Variants in APPL1 observed in about 807,000 individuals in gnomAD.
APPL1 encodes adaptor protein, phosphotyrosine interacting with PH domain and leucine zipper 1, also known as DCC-interacting protein 13-alpha.
APPL1 carries 42 observed loss-of-function variants against 106.8 expected under a neutral mutation model. The ratio of observed to expected loss-of-function variants is 0.39; its 90% CI spans 0.31 to 0.51. The LOEUF is 0.51. APPL1 is among the 20% of genes least tolerant of loss of function. The probability of loss-of-function intolerance (pLI) is 0.75; values close to 1 mark genes in which losing one functional copy is unlikely to be tolerated. For synonymous variants in APPL1, 263 were observed against 281.8 expected, an observed-to-expected ratio of 0.93 and a Z score of 0.67; for missense variants, 769 against 858.2, an observed-to-expected ratio of 0.90 and a Z score of 1.30.
In APPL1 at chr3:57,272,103, C is replaced by T. The variant is rs1431152786; in HGVS notation, c.*2416C>T. The T allele has an allele frequency of 1.3e-5, 2 of 152,152 alleles. No individual in the cohort carries two copies. The highest frequency in any genetic ancestry group is 6.5e-5 in the Admixed American group (1 of 15,276). 9.4% of individuals were successfully genotyped at this position (152,152 alleles called of 1,614,324 possible). ...ATATCTTTTCTCACATTCAGACTTA[C>T]ACTTAATGGTGTTAGAAATCAACAA... On this transcript the variant is annotated 3_prime_UTR_variant, in exon 22 of 22. Transcript: ENST00000288266.
chr3:57,246,597 T>C lies in APPL1; in HGVS notation c.621+375T>C, dbSNP rs1007805563. Among the ~76,000 whole-genome samples, 9 of 152,244 alleles carry C rather than the reference T, an allele frequency of 5.9e-5. No homozygotes were observed. The South Asian group carries it at 1.7e-3, about 28-fold the overall frequency. On this transcript the variant is annotated intron_variant, in intron 8 of 21. Coordinates refer to ENST00000288266, the MANE Select transcript of APPL1 (RefSeq NM_012096.3). ...TATCCCATATTCCTTGCATACTTCC[T>C]GAGTTAAAAATAATAGATGAACTCC...
At position 57,269,663 on chromosome 3, in the gene APPL1, AAAG is replaced by A. The variant is rs755386329; in HGVS notation, c.2111_2113del (p.Lys704del). On this transcript the variant is annotated inframe_deletion, in exon 22 of 22. Transcript: ENST00000288266. ...AAGAGAGTGATTTGGGAGAAGGAGG[AAAG>A]AAGAGAGAATCAGAAGCATAAGCTT... 5.0e-6 allele frequency: 8 copies of A among 1,613,940 alleles called. No homozygotes were observed. The highest frequency in any genetic ancestry group is 6.8e-6 in the Non-Finnish European group (8 of 1,179,970).
At chr3:57,263,034 A>G (rs546661635) in intron 19 of APPL1, among the ~76,000 whole-genome samples, 53 of 151,808 alleles carry the variant, frequency 3.5e-4, no homozygotes, top group African/African-American at 1.3e-3. Context: ...TATTTTTAGT[A>G]GAGACAGGGT....
chr3:57,227,739 T>G lies in APPL1; in HGVS notation c.-145T>G. The G allele has an allele frequency of 1.5e-6, 1 of 645,702 alleles. No homozygotes were observed. The allele number at this position is 645,702 out of a possible 1,614,324, so 40.0% of individuals were successfully genotyped here. A position where few individuals can be genotyped will look rare whatever the true frequency, so the allele number is the denominator to read the frequency against. ...GGGGCGGGATTTCCCGCACGGCCGC[T>G]CGGCGCCTGGAGAAGGCTGTGCGGG... On this transcript the variant is annotated 5_prime_UTR_variant, in exon 1 of 22. Coordinates refer to ENST00000288266, the MANE Select transcript of APPL1 (RefSeq NM_012096.3).
At position 57,253,576 on chromosome 3, in the gene APPL1, ATTAC is replaced by A. The variant is rs932275340; in HGVS notation, c.1096-103_1096-100del. 8 of 805,352 alleles carry A rather than the reference ATTAC, an allele frequency of 9.9e-6. No individual in the cohort carries two copies. The African/African-American group carries it at 1.5e-4, about 15-fold the overall frequency. The allele number at this position is 805,352 out of a possible 1,614,324, so 49.9% of individuals were successfully genotyped here. A position where few individuals can be genotyped will look rare whatever the true frequency, so the allele number is the denominator to read the frequency against. Reference sequence around the variant, plus strand: ...GTTTTCTTATAAGGAAGATAAATATATTACTTCTAATGAAACATCTGTTGCAGTT... The same window carrying A: ...GTTTTCTTATAAGGAAGATAAATATATTCTAATGAAACATCTGTTGCAGTT... On this transcript the variant is annotated intron_variant, in intron 12 of 21. Transcript: ENST00000288266.
chr3:57,246,990 C>CAAAA (rs56949619), intron 8 of APPL1, among the ~76,000 whole-genome samples: 1 of 97,846 alleles, frequency 1.0e-5, no homozygotes. Flanking sequence ...GACCCTGTCT[C>CAAAA]AAAAAAAAAA....
chr3:57,233,001 C>CA (rs1322901504), intron 1 of APPL1, among the ~76,000 whole-genome samples: 11 of 149,440 alleles, frequency 7.4e-5, no homozygotes, highest in South Asian at 4.2e-4. Context: ...GACTCTGACT[C>CA]AAAAAAAACC....
chr3:57,242,033 G>T, intron 5 of APPL1, 68 bp from the exon 6 acceptor site: 2 of 1,133,978 alleles, frequency 1.8e-6, no homozygotes, highest in Non-Finnish European at 2.6e-6. Context: ...TTAAGTAGCA[G>T]TTATTGTTTT....
At chr3:57,246,054 A>G (rs2060771941) in intron 7 of APPL1, 22 bp from the exon 8 acceptor site, 2 of 1,527,954 alleles carry the variant, frequency 1.3e-6, no homozygotes, top group Non-Finnish European at 1.8e-6. Flanking sequence ...TTACTTAATT[A>G]TTTAAATCTT....
In APPL1 at chr3:57,227,823, G is replaced by T. The variant is rs1320486568; in HGVS notation, c.-61G>T. The T allele has an allele frequency of 3.6e-6, 5 of 1,377,514 alleles. No individual in the cohort carries two copies. The African/African-American group carries it at 7.5e-5, about 21-fold the overall frequency. The allele number at this position is 1,377,514 out of a possible 1,614,324, so 85.3% of individuals were successfully genotyped here. The stretch of plus-strand genomic sequence containing the variant: ...GGCCGGGGTCAGCTGCGGCGGGCGG[G>T]CCGGCGCGGGGAGCTGTGGGCGGCA... On this transcript the variant is annotated 5_prime_UTR_variant, in exon 1 of 22. Transcript: ENST00000288266.
In APPL1 at chr3:57,227,787, C is replaced by T. The variant is rs746341864; in HGVS notation, c.-97C>T. Reference sequence around the variant, plus strand: ...GGGCGGGGACGGCTGCAGCCCTTGCCGGAGAGGGCGGGCCGGGGTCAGCTG... The same window carrying T: ...GGGCGGGGACGGCTGCAGCCCTTGCTGGAGAGGGCGGGCCGGGGTCAGCTG... On this transcript the variant is annotated 5_prime_UTR_variant, in exon 1 of 22. Transcript: ENST00000288266. 9.0e-6 allele frequency: 10 copies of T among 1,107,470 alleles called. No homozygotes were observed. Among genetic ancestry groups the T allele is most frequent in the South Asian group, 5.9e-5 (3 of 50,548 alleles). The allele number at this position is 1,107,470 out of a possible 1,614,324, so 68.6% of individuals were successfully genotyped here. A position where few individuals can be genotyped will look rare whatever the true frequency, so the allele number is the denominator to read the frequency against.
intron 8 of APPL1, 36 bp downstream of exon 8, chr3:57,246,258 T>C: frequency 7.0e-7 from 1 of 1,436,636 alleles, no homozygotes; most frequent in Non-Finnish European, 9.2e-7. Context: ...ATAACTGTCC[T>C]AAAAGTTTTA....
chr3:57,247,802 A>C (rs2107602838), intron 9 of APPL1, among the ~76,000 whole-genome samples: 1 of 152,298 alleles, frequency 6.6e-6, no homozygotes, highest in Non-Finnish European at 1.5e-5. Context: ...GGAGATTACT[A>C]AATATTGTTT....
At chr3:57,231,331 T>G in intron 1 of APPL1, among the ~76,000 whole-genome samples, 1 of 95,888 alleles carries the variant, frequency 1.0e-5, no homozygotes, top group African/African-American at 3.8e-5. Context: ...CGTGCGAGAC[T>G]CCGTCTCAAA....
At position 57,257,463 on chromosome 3, in the gene APPL1, G is replaced by C. The variant is rs141808942; in HGVS notation, c.1430+35G>C. On this transcript the variant is annotated intron_variant, in intron 15 of 21. Transcript: ENST00000288266. Reference sequence around the variant, plus strand: ...AGCATCACAGGTACATTGTGCTGTGGTCTGTAAGGCTTATAATCCCCTGTC... The same window carrying C: ...AGCATCACAGGTACATTGTGCTGTGCTCTGTAAGGCTTATAATCCCCTGTC... 6,529 of 1,550,498 alleles carry C rather than the reference G, an allele frequency of 4.2e-3. 45 individuals carry two copies. The highest frequency in any genetic ancestry group is 0.026 in the Admixed American group (1,327 of 51,966).
intron 19 of APPL1, among the ~76,000 whole-genome samples, chr3:57,264,930 G>C (rs1229993805): frequency 6.6e-6 from 1 of 151,128 alleles, no homozygotes; most frequent in African/African-American, 2.4e-5. Context: ...TGGCTATTCT[G>C]AATCTTTTAT....
chr3:57,253,905 C>T (rs1005510357), intron 13 of APPL1, among the ~76,000 whole-genome samples, 167 bp downstream of exon 13: 11 of 150,836 alleles, frequency 7.3e-5, no homozygotes, highest in Non-Finnish European at 1.0e-4. Context: ...CCCCATTGCC[C>T]AGGCTGGAGT....
At chr3:57,255,652 C>T (rs1345480857) in intron 13 of APPL1, among the ~76,000 whole-genome samples, 1 of 152,056 alleles carries the variant, frequency 6.6e-6, no homozygotes, top group Non-Finnish European at 1.5e-5. Flanking sequence ...ATATTTATTA[C>T]AATTATGTCT....
At chr3:57,264,554 A>T (rs562275805) in intron 19 of APPL1, among the ~76,000 whole-genome samples, 98 of 149,716 alleles carry the variant, frequency 6.5e-4, no homozygotes, top group Middle Eastern at 3.4e-3. Context: ...AATTATATTT[A>T]AAAAAATTTA....
Sources: gnomAD v4.1 joint callset for allele counts (sites outside exome capture counted in the v4.1 genomes callset) on GRCh38, gnomAD v4.1.1 for gene constraint, MANE v1.5 for transcripts, NCBI Gene and HGNC (gene_info 2026-07-23, HGNC 2026-07-21) for gene names.